Variants in ESAM observed in about 807,000 individuals in gnomAD.
The protein encoded by ESAM is endothelial cell-selective adhesion molecule.
Under a neutral mutation model 31.8 loss-of-function variants are expected in ESAM, and 23 were observed. That is an observed-to-expected ratio of 0.72 (90% CI 0.52 to 1.03). ESAM has a LOEUF of 1.03. ESAM is among the 50% of genes least tolerant of loss of function. ESAM has a pLI of 0.00. For missense variants in ESAM, 478 were observed against 488.9 expected (o/e 0.98, Z 0.21); for synonymous variants, 216 against 207.2 (o/e 1.04, Z -0.37).
Position 124,760,110 on chromosome 11 carries a change from A to C in ESAM, c.71-1583T>G, listed in dbSNP as rs190507285. 2.0e-3 allele frequency among the ~76,000 whole-genome samples: 301 copies of C among 152,224 alleles called. 2 individuals are homozygous for C. In the Middle Eastern group the frequency reaches 0.021, roughly 10 times the overall value. On this transcript the variant is annotated intron_variant, in intron 1 of 6. Coordinates refer to ENST00000278927, the MANE Select transcript of ESAM (RefSeq NM_138961.3). ...TTCCACTTTCCAGAAGGTAGAGGAG[A>C]GTTAAAAGAGATAGTAACGGACACA...
chr11:124,758,333 G>GC lies in ESAM; in HGVS notation c.249+15_249+16insG. 6.2e-7 allele frequency: 1 copy of GC among 1,613,994 alleles called. No homozygotes were observed. Among genetic ancestry groups the GC allele is most frequent in the Non-Finnish European group, 8.5e-7 (1 of 1,179,964 alleles). ...GGGCGCAACTTGCCGCTGGCTGACA[G>GC]GCGTTCTTCCCTCACCTGATCCTCC... is the stretch of plus-strand genomic sequence containing the variant. On this transcript the variant is annotated intron_variant, in intron 2 of 6. Coordinates refer to ENST00000278927, the MANE Select transcript of ESAM (RefSeq NM_138961.3).
chr11:124,759,045 A>G lies in ESAM; in HGVS notation c.71-518T>C, dbSNP rs1944193699. The G allele has an allele frequency of 6.5e-6, 1 of 154,042 alleles. No homozygotes were observed. Among genetic ancestry groups the G allele is most frequent in the Admixed American group, 6.4e-5 (1 of 15,710 alleles). 9.5% of individuals were successfully genotyped at this position (154,042 alleles called of 1,614,324 possible). ...CCTATTAACCCTGCGGCTCCTTCTG[A>G]GCTTGCCAGGAGCTGGAGAGAGCAG... is the stretch of plus-strand genomic sequence containing the variant. On this transcript the variant is annotated intron_variant, in intron 1 of 6. Coordinates refer to ENST00000278927, the MANE Select transcript of ESAM (RefSeq NM_138961.3). The surrounding 1 kb of genome is among the most constrained non-coding windows in gnomAD (Gnocchi z 6.8).
In ESAM at chr11:124,753,776, GGCAGTCT is replaced by G; in HGVS notation, c.1036_1042del (p.Arg346ProfsTer23). The G allele has an allele frequency of 6.2e-7, 1 of 1,613,990 alleles. No homozygotes were observed. ...TTGAGGGTGGGCCCCATCTGTCGTGGGCAGTCTTGGTGAGGGCAGGGCCTGGCTGGAG... is the reference window on the plus strand; with the variant it reads ...TTGAGGGTGGGCCCCATCTGTCGTGGTGGTGAGGGCAGGGCCTGGCTGGAG... On this transcript the variant is annotated frameshift_variant, in exon 7 of 7. Transcript: ENST00000278927. LOFTEE classifies it low-confidence loss of function (END_TRUNC).
chr11:124,758,270 C>A, intron 2 of ESAM, 79 bp downstream of exon 2: 1 of 1,567,326 alleles, frequency 6.4e-7, no homozygotes, highest in South Asian at 1.1e-5. Flanking sequence ...CTCTCCACCC[C>A]TCCCACCGCT....
Position 124,758,421 on chromosome 11 carries a change from C to T in ESAM, c.177G>A (p.Glu59=), listed in dbSNP as rs754766593. 6.2e-7 allele frequency: 1 copy of T among 1,614,182 alleles called. No individual in the cohort carries two copies. Among genetic ancestry groups the T allele is most frequent in the Non-Finnish European group, 8.5e-7 (1 of 1,180,032 alleles). Residue 59 remains glutamate, a synonymous_variant, in exon 2 of 7, where the codon GAG becomes GAA. Transcript: ENST00000278927. ...VLPAWYTLHG[E]VSSSQPWEVP... is the part of the protein sequence containing the mutation. Reference sequence around the variant, plus strand: ...CCTCCCATGGCTGGGATGAAGACACCTCCCCGTGCAAGGTGTACCACGCTG... The same window carrying T: ...CCTCCCATGGCTGGGATGAAGACACTTCCCCGTGCAAGGTGTACCACGCTG...
rs201044344 is a variant in ESAM, at chr11:124,755,408, AAAAT to A, written c.608-649_608-646del. Among the ~76,000 whole-genome samples the A allele has an allele frequency of 3.1e-3, 466 of 151,976 alleles. 2 individuals carry two copies. The highest frequency in any genetic ancestry group is 0.011 in the African/African-American group (437 of 41,426). On this transcript the variant is annotated intron_variant, in intron 4 of 6. Coordinates refer to ENST00000278927, the MANE Select transcript of ESAM (RefSeq NM_138961.3). ...CTTAAAGTATAATAATAATAAAATAAAAATAAATAAATAAATAAATAAAACAGTG... is the reference window on the plus strand; with the variant it reads ...CTTAAAGTATAATAATAATAAAATAAAAATAAATAAATAAATAAAACAGTG...
In ESAM at chr11:124,759,811, A is replaced by G. The variant is rs1339809306; in HGVS notation, c.71-1284T>C. On this transcript the variant is annotated intron_variant, in intron 1 of 6. Coordinates refer to ENST00000278927, the MANE Select transcript of ESAM (RefSeq NM_138961.3). The surrounding 1 kb of genome is among the most constrained non-coding windows in gnomAD (Gnocchi z 6.8). ...CCAGTGATAAGGCAGAAGACAATGA[A>G]GGGGGGGCCACTAGACCGGAGGCTC... is the stretch of plus-strand genomic sequence containing the variant. Among the ~76,000 whole-genome samples the G allele has an allele frequency of 1.3e-5, 2 of 152,096 alleles. No individual in the cohort carries two copies.
intron 2 of ESAM, 84 bp from the exon 3 acceptor site, chr11:124,756,826 C>T (rs917289291): frequency 3.7e-5 from 53 of 1,438,022 alleles, no homozygotes; most frequent in Admixed American, 3.0e-4. Context: ...TCCCCCAGCT[C>T]GCATTCTCCA....
Position 124,754,718 on chromosome 11 carries a change from A to G in ESAM, c.653T>C (p.Met218Thr). Residue 218 changes from methionine (M) to threonine (T), a missense_variant, in exon 5 of 7, where the codon ATG becomes ACG. Met to Thr is a moderately conservative substitution (Grantham distance 81). Coordinates refer to ENST00000278927, the MANE Select transcript of ESAM (RefSeq NM_138961.3). This position sits in a 1 kb window ranked among gnomAD's most constrained non-coding sequence, Gnocchi z 4.5. ...SLSLTNLSSS[M>T]AGVYVCKAHN... ...GGCCTTGCAGACATAGACTCCAGCC[A>G]TGGAAGACGAAAGGTTGGTGAGGCT... 6.2e-7 allele frequency: 1 copy of G among 1,614,114 alleles called. No individual in the cohort carries two copies. The highest frequency in any genetic ancestry group is 1.1e-5 in the South Asian group (1 of 91,086).
chr11:124,762,000 C>T (rs951059436), intron 1 of ESAM, 85 bp downstream of exon 1: 59 of 1,234,746 alleles, frequency 4.8e-5, no homozygotes, highest in Non-Finnish European at 6.5e-5. Flanking sequence ...GACCCAGTTC[C>T]GCAGCAGTGG....
chr11:124,753,551 T>A lies in ESAM; in HGVS notation c.*95A>T, dbSNP rs1028866210. On this transcript the variant is annotated 3_prime_UTR_variant, in exon 7 of 7. Transcript: ENST00000278927. ...GGGGCAGAGTACTAAGGGTCAGGAG[T>A]GTGACTCTTTCCCATGACTCAGGCC... 16 of 1,373,562 alleles carry A rather than the reference T, an allele frequency of 1.2e-5. No homozygotes were observed. The highest frequency in any genetic ancestry group is 1.8e-4 in the Middle Eastern group (1 of 5,580). 85.1% of individuals were successfully genotyped at this position (1,373,562 alleles called of 1,614,324 possible). A position where few individuals can be genotyped will look rare whatever the true frequency, so the allele number is the denominator to read the frequency against.
In ESAM at chr11:124,754,799, T is replaced by G; in HGVS notation, c.608-36A>C. 6.5e-7 allele frequency: 1 copy of G among 1,542,268 alleles called. No homozygotes were observed. The highest frequency in any genetic ancestry group is 1.8e-4 in the Middle Eastern group (1 of 5,712). On this transcript the variant is annotated intron_variant, in intron 4 of 6. Coordinates refer to ENST00000278927, the MANE Select transcript of ESAM (RefSeq NM_138961.3). The surrounding 1 kb of genome is among the most constrained non-coding windows in gnomAD (Gnocchi z 4.5). ...AATTTAGCCATCAGTCCAGGGACCC[T>G]CTTTCCCATTAAAAAAAAAAAAAAA... is the stretch of plus-strand genomic sequence containing the variant.
At chr11:124,761,340 A>C (rs147653353) in intron 1 of ESAM, among the ~76,000 whole-genome samples, 1 of 152,228 alleles carries the variant, frequency 6.6e-6, no homozygotes, top group Non-Finnish European at 1.5e-5. Flanking sequence ...GAGGCCTACA[A>C]CACTTCCCAA....
rs1395987177 is a variant in ESAM, at chr11:124,762,052, C to A, written c.70+33G>T. The A allele has an allele frequency of 6.3e-7, 1 of 1,597,326 alleles. No homozygotes were observed. The highest frequency in any genetic ancestry group is 2.3e-5 in the East Asian group (1 of 43,500). ...GGGTCGAACTCACCCCATCCCGCATCCCAAGTCCCCTCCAGGTCCGGGTTT... is the reference window on the plus strand; with the variant it reads ...GGGTCGAACTCACCCCATCCCGCATACCAAGTCCCCTCCAGGTCCGGGTTT... On this transcript the variant is annotated intron_variant, in intron 1 of 6. Coordinates refer to ENST00000278927, the MANE Select transcript of ESAM (RefSeq NM_138961.3). The surrounding 1 kb of genome is among the most constrained non-coding windows in gnomAD (Gnocchi z 6.4).
At chr11:124,758,603 C>T (rs1032009341) in intron 1 of ESAM, 76 bp from the exon 2 acceptor site, 22 of 1,420,330 alleles carry the variant, frequency 1.5e-5, no homozygotes, top group Admixed American at 5.9e-5. Context: ...TACGCGGCTT[C>T]ACCAGAGAGC....
chr11:124,753,780 G>C lies in ESAM; in HGVS notation c.1039C>G (p.Leu347Val). The change falls in exon 7 of 7, where the codon CTG (leucine) becomes GTG (valine). Residue 347 changes from leucine (L) to valine (V), a missense_variant. Transcript: ENST00000278927. ...GGGTGGGCCCCATCTGTCGTGGGCAGTCTTGGTGAGGGCAGGGCCTGGCTG... is the reference window on the plus strand; with the variant it reads ...GGGTGGGCCCCATCTGTCGTGGGCACTCTTGGTGAGGGCAGGGCCTGGCTG... ...LSSQALPSPRLPTTDGAHPQP... is the reference protein window; with the variant it reads ...LSSQALPSPRVPTTDGAHPQP... 6.2e-7 allele frequency: 1 copy of C among 1,613,938 alleles called. No individual in the cohort carries two copies. The highest frequency in any genetic ancestry group is 8.5e-7 in the Non-Finnish European group (1 of 1,179,908).
intron 1 of ESAM, among the ~76,000 whole-genome samples, chr11:124,760,031 C>T (rs989952673): frequency 1.3e-5 from 2 of 152,244 alleles, no homozygotes; most frequent in Non-Finnish European, 2.9e-5. Context: ...AAGGGGCGCG[C>T]CCTTCCTTCA....
At position 124,753,951 on chromosome 11, in the gene ESAM, T is replaced by A. The variant is rs137918325; in HGVS notation, c.868A>T (p.Ile290Phe). ...EPANDIKEDA[I>F]APRTLPWPKS... ...GGCCAGGGCAGGGTCCGGGGAGCAATGGCATCCTCCCTAGTCATCAAAGAA... is the reference window on the plus strand; with the variant it reads ...GGCCAGGGCAGGGTCCGGGGAGCAAAGGCATCCTCCCTAGTCATCAAAGAA... The change falls in exon 7 of 7, where the codon ATT becomes TTT. Residue 290 changes from isoleucine to phenylalanine, a missense_variant. Ile to Phe is a conservative substitution (Grantham distance 21). Coordinates refer to ENST00000278927, the MANE Select transcript of ESAM (RefSeq NM_138961.3). 2.5e-6 allele frequency: 4 copies of A among 1,613,432 alleles called. No homozygotes were observed. In the South Asian group the frequency reaches 4.4e-5, roughly 18 times the overall value.
In ESAM at chr11:124,762,200, G is replaced by A. The variant is rs1244803925; in HGVS notation, c.-46C>T. 3 of 1,492,834 alleles carry A rather than the reference G, an allele frequency of 2.0e-6. No homozygotes were observed. Among genetic ancestry groups the A allele is most frequent in the Admixed American group, 1.9e-5 (1 of 53,310 alleles). The allele number at this position is 1,492,834 out of a possible 1,614,324, so 92.5% of individuals were successfully genotyped here. ...GAGTCAGGGGCGCCAGCCGCGGGAC[G>A]CACGGACCTGCAGGTGCCGAGGCTG... On this transcript the variant is annotated 5_prime_UTR_variant, in exon 1 of 7. Coordinates refer to ENST00000278927, the MANE Select transcript of ESAM (RefSeq NM_138961.3). The surrounding 1 kb of genome is among the most constrained non-coding windows in gnomAD (Gnocchi z 6.4).
Sources: gnomAD v4.1 joint callset for allele counts (sites outside exome capture counted in the v4.1 genomes callset) on GRCh38, gnomAD v4.1.1 for gene constraint, Gnocchi (gnomAD v3.1) non-coding constraint, MANE v1.5 for transcripts, NCBI Gene and HGNC (gene_info 2026-07-23, HGNC 2026-07-21) for gene names.